Variants in RNF20 observed in about 807,000 individuals in gnomAD.
RNF20 encodes E3 ubiquitin-protein ligase BRE1A.
A neutral mutation model predicts 126.2 loss-of-function variants in RNF20; 84 were observed. The observed-to-expected ratio is 0.67, with a 90% confidence interval of 0.56 to 0.80. The LOEUF (loss-of-function observed/expected upper bound fraction) is 0.80, where lower values mean the gene tolerates loss of function less well. Ranked by LOEUF, RNF20 falls within the 30% of genes least tolerant of loss-of-function variation. RNF20 has a pLI of 0.00. For missense variants in RNF20, 869 were observed against 1,188.2 expected, an observed-to-expected ratio of 0.73 and a Z score of 3.95; for synonymous variants, 400 against 414.3, an observed-to-expected ratio of 0.97 and a Z score of 0.42.
chr9:101,540,349 T>C lies in RNF20; in HGVS notation c.276T>C (p.Ile92=), dbSNP rs761634757. ...RQATDDASLL[I]VNRYWSQFDE... ...CCACTGATGATGCCTCACTATTGATTGTCAACCGATACTGGAGTCAGGTAG... is the reference window on the plus strand; with the variant it reads ...CCACTGATGATGCCTCACTATTGATCGTCAACCGATACTGGAGTCAGGTAG... Residue 92 remains isoleucine, a synonymous_variant, in exon 3 of 20, where the codon ATT becomes ATC. Coordinates refer to ENST00000389120, the MANE Select transcript of RNF20 (RefSeq NM_019592.7). 29 of 1,614,212 alleles carry C rather than the reference T, an allele frequency of 1.8e-5. No individual in the cohort carries two copies. In the African/African-American group the frequency reaches 3.7e-4, roughly 21 times the overall value.
intron 9 of RNF20, among the ~76,000 whole-genome samples, chr9:101,548,145 G>A (rs1454092418): frequency 6.6e-6 from 1 of 152,126 alleles, no homozygotes; most frequent in Admixed American, 6.6e-5. Flanking sequence ...GAAATGTGGT[G>A]TGTGTTTGTA....
At chr9:101,547,269 G>A in intron 8 of RNF20, 55 bp downstream of exon 8, 1 of 1,602,126 alleles carries the variant, frequency 6.2e-7, no homozygotes, top group Non-Finnish European at 8.6e-7. Context: ...TTCATGCTTA[G>A]GTACTTAGGA....
chr9:101,555,095 C>T (rs182079788), intron 15 of RNF20, among the ~76,000 whole-genome samples: 2 of 152,042 alleles, frequency 1.3e-5, no homozygotes, highest in Admixed American at 1.3e-4. Context: ...TCTTTCTCTG[C>T]TGTTGTTCAG....
Position 101,557,511 on chromosome 9 carries a change from A to G in RNF20, c.2297A>G (p.Glu766Gly), listed in dbSNP as rs1478253780. The G allele has an allele frequency of 1.9e-6, 3 of 1,614,076 alleles. No individual in the cohort carries two copies. The highest frequency in any genetic ancestry group is 2.5e-6 in the Non-Finnish European group (3 of 1,179,936). Reference sequence around the variant, plus strand: ...GATGCAAATTTCAAGCTCATGTCAGAGCGTATCAAGTCCAATCAGATCCAT... The same window carrying G: ...GATGCAAATTTCAAGCTCATGTCAGGGCGTATCAAGTCCAATCAGATCCAT... ...KDDANFKLMS[E>G]RIKSNQIHKL... Residue 766 changes from glutamate to glycine, a missense_variant, in exon 16 of 20, where the codon GAG (glutamate) becomes GGG (glycine). Coordinates refer to ENST00000389120, the MANE Select transcript of RNF20 (RefSeq NM_019592.7).
intron 16 of RNF20, among the ~76,000 whole-genome samples, chr9:101,559,334 G>A (rs1827589527): frequency 6.6e-6 from 1 of 152,170 alleles, no homozygotes. Flanking sequence ...GTAATGTGAT[G>A]CCTCCAGATT....
In RNF20 at chr9:101,549,603, T is replaced by C. The variant is rs552015947; in HGVS notation, c.1093-1003T>C. ...GAAAGGGAGACTCCCTTTCCTGGTC[T>C]GCTAAGTAGCAGGTGTTTTCCCTTG... On this transcript the variant is annotated intron_variant, in intron 9 of 19. Transcript: ENST00000389120. 6.8e-4 allele frequency among the ~76,000 whole-genome samples: 104 copies of C among 152,258 alleles called. 1 individual carries two copies. Among genetic ancestry groups the C allele is most frequent in the African/African-American group, 2.2e-3 (91 of 41,564 alleles).
intron 12 of RNF20, 25 bp downstream of exon 12, chr9:101,552,287 A>G (rs1380474159): frequency 1.2e-6 from 2 of 1,614,088 alleles, no homozygotes; most frequent in African/African-American, 1.3e-5. Flanking sequence ...TAGAATAAAT[A>G]TCATTTGCTA....
intron 17 of RNF20, 70 bp from the exon 18 acceptor site, chr9:101,561,020 G>T (rs1403774304): frequency 1.9e-6 from 3 of 1,600,702 alleles, no homozygotes; most frequent in Non-Finnish European, 2.6e-6. Context: ...CTTCAACTTG[G>T]GCTAACATTT....
At chr9:101,561,643 G>C (rs1316128888) in intron 18 of RNF20, among the ~76,000 whole-genome samples, 1 of 152,122 alleles carries the variant, frequency 6.6e-6, no homozygotes, top group African/African-American at 2.4e-5. Flanking sequence ...AAACAAAATA[G>C]ACTGTCCTCT....
chr9:101,562,558 C>A lies in RNF20; in HGVS notation c.*136C>A. 1 of 738,890 alleles carries A rather than the reference C, an allele frequency of 1.4e-6. No individual in the cohort carries two copies. Among genetic ancestry groups the A allele is most frequent in the South Asian group, 2.2e-5 (1 of 44,592 alleles). 45.8% of individuals were successfully genotyped at this position (738,890 alleles called of 1,614,324 possible). On this transcript the variant is annotated 3_prime_UTR_variant, in exon 20 of 20. Coordinates refer to ENST00000389120, the MANE Select transcript of RNF20 (RefSeq NM_019592.7). ...ACTACCTTTCCTCCAGACTTTACTTCCAGGCTCTCCTCTTCAGTAGCTGGA... is the reference window on the plus strand; with the variant it reads ...ACTACCTTTCCTCCAGACTTTACTTACAGGCTCTCCTCTTCAGTAGCTGGA...
Position 101,551,743 on chromosome 9 carries a change from A to G in RNF20, c.1332A>G (p.Thr444=). The part of the protein sequence containing the change: ...LRTEVIQLED[T]LAQVRKEYEM... ...CTGAAGTAATTCAGCTAGAAGATAC[A>G]TTGGCCCAGGTCCGCAAGGAGTATG... The change falls in exon 11 of 20, where the codon ACA becomes ACG. Residue 444 remains threonine (T), a synonymous_variant. Coordinates refer to ENST00000389120, the MANE Select transcript of RNF20 (RefSeq NM_019592.7). 1 of 1,613,922 alleles carries G rather than the reference A, an allele frequency of 6.2e-7. No homozygotes were observed. The highest frequency in any genetic ancestry group is 8.5e-7 in the Non-Finnish European group (1 of 1,179,936).
chr9:101,535,251 CAA>C (rs1174566971), intron 1 of RNF20, 145 bp from the exon 2 acceptor site: 1 of 479,148 alleles, frequency 2.1e-6, no homozygotes, highest in African/African-American at 2.1e-5. Flanking sequence ...TTTTTTTCCT[CAA>C]AGAGAAATAT....
At chr9:101,538,967 A>G (rs545832533) in intron 2 of RNF20, among the ~76,000 whole-genome samples, 3 of 152,272 alleles carry the variant, frequency 2.0e-5, no homozygotes, top group Admixed American at 6.5e-5. Flanking sequence ...GAAATTACTA[A>G]TGGAGTGAGG....
At chr9:101,549,088 G>A (rs1308191645) in intron 9 of RNF20, among the ~76,000 whole-genome samples, 1 of 152,210 alleles carries the variant, frequency 6.6e-6, no homozygotes. Context: ...AGACGAGAGA[G>A]TGTAGAAATA....
chr9:101,552,073 G>T (rs564108044), intron 11 of RNF20, 68 bp from the exon 12 acceptor site: 1 of 1,598,352 alleles, frequency 6.3e-7, no homozygotes, highest in Admixed American at 1.7e-5. Flanking sequence ...GATGTGTTCT[G>T]TTCTTTCTCT....
intron 1 of RNF20, chr9:101,534,342 A>G (rs1366122355): frequency 6.6e-6 from 1 of 152,132 alleles, no homozygotes; most frequent in Non-Finnish European, 1.5e-5. Flanking sequence ...AATATTGTGC[A>G]GTTGAGGAAA....
At chr9:101,550,010 C>G (rs144527459) in intron 9 of RNF20, among the ~76,000 whole-genome samples, 1 of 152,112 alleles carries the variant, frequency 6.6e-6, no homozygotes, top group Non-Finnish European at 1.5e-5. Context: ...GGTGGCTTGC[C>G]GCCCACATCT....
At position 101,540,186 on chromosome 9, in the gene RNF20, A is replaced by T. The variant is rs763666499; in HGVS notation, c.130-17A>T. The T allele has an allele frequency of 3.1e-6, 5 of 1,611,174 alleles. No individual in the cohort carries two copies. The highest frequency in any genetic ancestry group is 2.5e-6 in the Non-Finnish European group (3 of 1,177,796). On this transcript the variant is annotated splice_polypyrimidine_tract_variant and intron_variant, in intron 2 of 19. Transcript: ENST00000389120. ...TTATTTCTTTGTGGAGACTAATACG[A>T]TTGGTTTACTGGGCAGGAGGAACTA...
At chr9:101,552,117 A>G (rs368152642) in intron 11 of RNF20, 24 bp from the exon 12 acceptor site, 13 of 1,613,686 alleles carry the variant, frequency 8.1e-6, no homozygotes, top group Non-Finnish European at 9.3e-6. Flanking sequence ...GGTTCCTCAT[A>G]ACATTGTTGT....
Sources: gnomAD v4.1 joint callset for allele counts (sites outside exome capture counted in the v4.1 genomes callset) on GRCh38, gnomAD v4.1.1 for gene constraint, MANE v1.5 for transcripts, NCBI Gene and HGNC (gene_info 2026-07-23, HGNC 2026-07-21) for gene names.